SLC12A8: variants seen among roughly 807,000 people sequenced by gnomAD.
SLC12A8 encodes the protein solute carrier family 12 member 8, also known as cation-chloride cotransporter 9.
In SLC12A8, 69 loss-of-function variants were observed where a neutral mutation model predicts 75.6. The observed-to-expected ratio is 0.91, with a 90% CI of 0.75 to 1.11. SLC12A8 has a LOEUF of 1.11. Among genes scored for constraint, SLC12A8 ranks in the 50% most tolerant of loss-of-function variants. The pLI, the probability that SLC12A8 is intolerant of heterozygous loss-of-function variation, is 0.00. For missense variants in SLC12A8, 877 were observed against 896.7 expected (o/e 0.98, Z 0.28); for synonymous variants, 365 against 372.8 (o/e 0.98, Z 0.24).
chr3:125,163,436 T>C lies in SLC12A8; in HGVS notation c.622+14307A>G, dbSNP rs535221293. 1.4e-4 allele frequency among the ~76,000 whole-genome samples: 21 copies of C among 147,860 alleles called. No homozygotes were observed. In the East Asian group the frequency reaches 2.9e-3, roughly 21 times the overall value. On this transcript the variant is annotated intron_variant, in intron 5 of 13. Coordinates refer to ENST00000469902, the MANE Select transcript of SLC12A8 (RefSeq NM_024628.6). ...TCCTGACTAACACGGTGAAACCCCG[T>C]CTCTACTAAAAAAAAATAGAAAAAA...
chr3:125,101,019 CAAAAAA>C, intron 10 of SLC12A8, among the ~76,000 whole-genome samples: 1 of 86,732 alleles, frequency 1.2e-5, no homozygotes, highest in African/African-American at 4.7e-5. Flanking sequence ...GACTCCGTCT[CAAAAAA>C]AAAAAAAAAA....
In SLC12A8 at chr3:125,144,983, C is replaced by T. The variant is rs376979254; in HGVS notation, c.623-9201G>A. ...AGTTCTGAGGCCATGGGCAGCTCTC[C>T]CCCACCCCAAGTCCTACCCAAGAAA... On this transcript the variant is annotated intron_variant, in intron 5 of 13. Coordinates refer to ENST00000469902, the MANE Select transcript of SLC12A8 (RefSeq NM_024628.6). Among the ~76,000 whole-genome samples the T allele has an allele frequency of 1.6e-4, 25 of 152,276 alleles. No individual in the cohort carries two copies. In the East Asian group the frequency reaches 2.7e-3, roughly 16 times the overall value.
chr3:125,190,374 C>T lies in SLC12A8; in HGVS notation c.198+1G>A, dbSNP rs1302456337. On this transcript the variant is annotated splice_donor_variant, in intron 3 of 13. Coordinates refer to ENST00000469902, the MANE Select transcript of SLC12A8 (RefSeq NM_024628.6). LOFTEE classifies it high-confidence loss of function. Reference sequence around the variant, plus strand: ...CTCCAGGCCACCAACTCAGCACTCACCACCAGCCAGCCAGTCCTCAGGAAG... The same window carrying T: ...CTCCAGGCCACCAACTCAGCACTCATCACCAGCCAGCCAGTCCTCAGGAAG... 5.6e-6 allele frequency: 9 copies of T among 1,613,994 alleles called. No individual in the cohort carries two copies. The highest frequency in any genetic ancestry group is 1.1e-5 in the South Asian group (1 of 91,066).
intron 2 of SLC12A8, among the ~76,000 whole-genome samples, chr3:125,196,755 C>T (rs577507243): frequency 7.0e-4 from 107 of 152,176 alleles, no homozygotes; most frequent in Non-Finnish European, 1.3e-3. Context: ...ATAATGAGAC[C>T]ACACCTCTAC....
chr3:125,119,058 A>T, intron 7 of SLC12A8: 1 of 475,446 alleles, frequency 2.1e-6, no homozygotes, highest in Non-Finnish European at 3.8e-6. Flanking sequence ...AAAAAGGGGT[A>T]CCATTGTTTT....
At chr3:125,159,284 T>TG (rs1165946903) in intron 5 of SLC12A8, among the ~76,000 whole-genome samples, 1 of 152,014 alleles carries the variant, frequency 6.6e-6, no homozygotes, top group African/African-American at 2.4e-5. Flanking sequence ...TTTTTAGAGG[T>TG]GGGGTCTCAC....
chr3:125,121,747 A>C (rs1364039643), intron 6 of SLC12A8, among the ~76,000 whole-genome samples: 1 of 152,220 alleles, frequency 6.6e-6, no homozygotes, highest in African/African-American at 2.4e-5. Context: ...CTGACTCTGA[A>C]AATTATGCTC....
intron 13 of SLC12A8, 26 bp from the exon 14 acceptor site, chr3:125,084,078 G>A (rs749289617): frequency 1.1e-5 from 17 of 1,600,330 alleles, no homozygotes; most frequent in Non-Finnish European, 1.5e-5. Flanking sequence ...CACAGAGGAT[G>A]GTGAGAAGGA....
intron 2 of SLC12A8, among the ~76,000 whole-genome samples, chr3:125,209,336 A>C (rs972610611): frequency 6.6e-6 from 1 of 152,222 alleles, no homozygotes; most frequent in African/African-American, 2.4e-5. Context: ...CAAAATAATC[A>C]TATCAACTTC....
chr3:125,099,271 G>A (rs114804397), intron 10 of SLC12A8, among the ~76,000 whole-genome samples: 1,573 of 152,226 alleles, frequency 0.01, 28 homozygotes, highest in African/African-American at 0.035. Context: ...CACACACCAC[G>A]GGGGAGGCAG....
At chr3:125,126,791 C>T (rs181535649) in intron 6 of SLC12A8, among the ~76,000 whole-genome samples, 4 of 152,288 alleles carry the variant, frequency 2.6e-5, no homozygotes, top group African/African-American at 9.6e-5. Flanking sequence ...ATAGCTTAAT[C>T]GTTTCTCTGC....
intron 10 of SLC12A8, among the ~76,000 whole-genome samples, chr3:125,101,853 T>C (rs79427359): frequency 0.024 from 3,713 of 152,312 alleles, 143 homozygotes; most frequent in African/African-American, 0.082. Flanking sequence ...TTAGCCAAAA[T>C]TTGCTCAATT....
intron 2 of SLC12A8, among the ~76,000 whole-genome samples, chr3:125,203,295 A>G (rs143919273): frequency 3.3e-5 from 5 of 152,300 alleles, no homozygotes; most frequent in African/African-American, 1.2e-4. Flanking sequence ...ATCCTGAGCA[A>G]AAAGAACAAA....
At chr3:125,093,037 C>A (rs1041902357) in intron 10 of SLC12A8, among the ~76,000 whole-genome samples, 2 of 152,138 alleles carry the variant, frequency 1.3e-5, no homozygotes, top group Non-Finnish European at 2.9e-5. Context: ...CAATCTATGT[C>A]AATGTGTACA....
intron 5 of SLC12A8, among the ~76,000 whole-genome samples, chr3:125,153,967 C>T (rs891688284): frequency 3.3e-4 from 51 of 152,248 alleles, no homozygotes; most frequent in Admixed American, 9.2e-4. Flanking sequence ...AGGCTGGTCT[C>T]GAACTCCTGA....
chr3:125,144,451 C>A (rs1186373337), intron 5 of SLC12A8, among the ~76,000 whole-genome samples: 1 of 152,168 alleles, frequency 6.6e-6, no homozygotes, highest in Non-Finnish European at 1.5e-5. Flanking sequence ...TCCAGAGGGA[C>A]CTGGCCCCAG....
In SLC12A8 at chr3:125,187,299, T is replaced by C. The variant is rs1220236793; in HGVS notation, c.328A>G (p.Ile110Val). Residue 110 changes from isoleucine to valine, a missense_variant, in exon 4 of 14, where the codon ATC becomes GTC. By Grantham distance (29) the Ile-to-Val change is conservative. Transcript: ENST00000469902. ...SIGSGGVYSM[I>V]SSVLGGQTGG... ...GTCTGCCCACCCAGGACCGAGGAGA[T>C]CATGGAGTAGACGCCACCGCTGCCG... The C allele has an allele frequency of 3.0e-5, 49 of 1,613,938 alleles. No individual in the cohort carries two copies. Among genetic ancestry groups the C allele is most frequent in the Non-Finnish European group, 3.9e-5 (46 of 1,180,012 alleles).
intron 5 of SLC12A8, among the ~76,000 whole-genome samples, chr3:125,149,020 G>A (rs1414175991): frequency 1.3e-5 from 2 of 152,186 alleles, no homozygotes; most frequent in East Asian, 1.9e-4. Flanking sequence ...GTCACCCATC[G>A]CTTCCTCGGA....
chr3:125,125,824 T>C (rs1933190673), intron 6 of SLC12A8: 1 of 496,864 alleles, frequency 2.0e-6, no homozygotes, highest in Middle Eastern at 1.0e-3. Flanking sequence ...CTGCTCTTTG[T>C]AGATTTCCCC....
Sources: gnomAD v4.1 joint callset for allele counts (sites outside exome capture counted in the v4.1 genomes callset) on GRCh38, gnomAD v4.1.1 for gene constraint, MANE v1.5 for transcripts, NCBI Gene and HGNC (gene_info 2026-07-23, HGNC 2026-07-21) for gene names.